The following NUBPL variants were observed in gnomAD, a reference collection of about 807,000 sequenced individuals.
NUBPL encodes the protein iron-sulfur cluster transfer protein NUBPL.
In NUBPL, 31 loss-of-function variants were observed where a neutral mutation model predicts 45.7. That is an observed-to-expected ratio of 0.68 (90% CI 0.51 to 0.92). The LOEUF (loss-of-function observed/expected upper bound fraction) is 0.92. NUBPL is among the 40% of genes least tolerant of loss of function. The pLI is 0.00. For synonymous variants in NUBPL, 144 were observed against 140.9 expected (o/e 1.02, Z -0.15); for missense variants, 401 against 398.7 (o/e 1.01, Z -0.05).
intron 6 of NUBPL, among the ~76,000 whole-genome samples, chr14:31,760,144 T>TGTGTGTGTGTGTGTGTGTGTGAGAGA: frequency 8.6e-5 from 3 of 34,844 alleles, no homozygotes; most frequent in East Asian, 1.2e-3. Context: ...TGTGTGTGTG[T>TGTGTGTGTGTGTGTGTGTGTGAGAGA]GAGAGAGAGA....
chr14:31,696,595 T>C, intron 6 of NUBPL, among the ~76,000 whole-genome samples: 1 of 152,048 alleles, frequency 6.6e-6, no homozygotes, highest in East Asian at 1.9e-4. Context: ...AAAAAAAACG[T>C]GTTCTCAACC....
chr14:31,611,117 A>C (rs758067288), intron 4 of NUBPL, among the ~76,000 whole-genome samples: 1 of 152,216 alleles, frequency 6.6e-6, no homozygotes, highest in Non-Finnish European at 1.5e-5. Context: ...GGACATCCAA[A>C]TTGGAAGGGA....
At chr14:31,727,388 C>T (rs1429429456) in intron 6 of NUBPL, among the ~76,000 whole-genome samples, 2 of 152,184 alleles carry the variant, frequency 1.3e-5, no homozygotes, top group East Asian at 3.9e-4. Flanking sequence ...TGTTGAAATA[C>T]AGATGTGGAG....
At chr14:31,676,278 C>T (rs2036696292) in intron 6 of NUBPL, among the ~76,000 whole-genome samples, 1 of 152,024 alleles carries the variant, frequency 6.6e-6, no homozygotes, top group Non-Finnish European at 1.5e-5. Flanking sequence ...CCGTCTCGGT[C>T]TCCCAAAGTG....
intron 4 of NUBPL, among the ~76,000 whole-genome samples, chr14:31,639,356 C>T (rs1170640931): frequency 6.6e-6 from 1 of 152,166 alleles, no homozygotes; most frequent in Non-Finnish European, 1.5e-5. Flanking sequence ...ACTCCAGACT[C>T]TGTTTGCCTG....
At chr14:31,760,144 T>TGTGTGTGAGAGAGAGAGA in intron 6 of NUBPL, among the ~76,000 whole-genome samples, 2 of 34,844 alleles carry the variant, frequency 5.7e-5, no homozygotes, top group Non-Finnish European at 1.1e-4. Flanking sequence ...TGTGTGTGTG[T>TGTGTGTGAGAGAGAGAGA]GAGAGAGAGA....
At chr14:31,752,970 C>G (rs1039432626) in intron 6 of NUBPL, among the ~76,000 whole-genome samples, 1 of 152,130 alleles carries the variant, frequency 6.6e-6, no homozygotes. Flanking sequence ...CATCAGATCT[C>G]GTGAGAACTC....
chr14:31,698,632 A>T (rs1215203218), intron 6 of NUBPL, among the ~76,000 whole-genome samples: 9 of 152,190 alleles, frequency 5.9e-5, no homozygotes, highest in Non-Finnish European at 1.5e-5. Context: ...TTATAAATAA[A>T]AAAGGCACGA....
chr14:31,765,412 C>T (rs2038894191), intron 6 of NUBPL, among the ~76,000 whole-genome samples: 1 of 152,178 alleles, frequency 6.6e-6, no homozygotes, highest in South Asian at 2.1e-4. Context: ...AAACATGGTA[C>T]ACTCATTGAG....
At chr14:31,784,975 CTTA>C (rs1467133397) in intron 6 of NUBPL, among the ~76,000 whole-genome samples, 4 of 152,116 alleles carry the variant, frequency 2.6e-5, no homozygotes, top group Admixed American at 1.3e-4. Context: ...GGCCTTTGCA[CTTA>C]TTATGGCTTC....
intron 7 of NUBPL, 33 bp from the exon 8 acceptor site, chr14:31,826,596 A>G: frequency 6.3e-7 from 1 of 1,586,176 alleles, no homozygotes; most frequent in Non-Finnish European, 8.7e-7. Context: ...TAGAGAATTA[A>G]AAGATAATAG....
At chr14:31,604,654 G>A (rs946809695) in intron 4 of NUBPL, among the ~76,000 whole-genome samples, 3 of 152,122 alleles carry the variant, frequency 2.0e-5, no homozygotes, top group Admixed American at 1.3e-4. Context: ...AAAATGATAT[G>A]TTAGGGTTGG....
chr14:31,841,927 T>TTTTTG (rs1566593604), intron 8 of NUBPL, among the ~76,000 whole-genome samples: 1 of 115,764 alleles, frequency 8.6e-6, no homozygotes, highest in African/African-American at 3.5e-5. Context: ...CTTTTTTTTT[T>TTTTTG]TTTTTTTTTT....
chr14:31,618,615 T>C (rs924440033), intron 4 of NUBPL, among the ~76,000 whole-genome samples: 1 of 152,224 alleles, frequency 6.6e-6, no homozygotes, highest in Non-Finnish European at 1.5e-5. Flanking sequence ...TGAATTCTAA[T>C]TTGATTGCAC....
At chr14:31,705,014 C>T (rs61997404) in intron 6 of NUBPL, among the ~76,000 whole-genome samples, 55,818 of 151,630 alleles carry the variant, frequency 0.37, 12,606 homozygotes, top group East Asian at 0.6. Flanking sequence ...CAGACCTTCG[C>T]GGTGAGTGTT....
chr14:31,798,664 C>T (rs182202162), intron 7 of NUBPL, among the ~76,000 whole-genome samples: 9,751 of 150,348 alleles, frequency 0.065, 415 homozygotes, highest in Non-Finnish European at 0.09. Context: ...TAGTGGCGGG[C>T]GCCTGTAGTC....
intron 7 of NUBPL, among the ~76,000 whole-genome samples, chr14:31,818,694 G>A (rs916403260): frequency 3.9e-5 from 6 of 152,080 alleles, no homozygotes; most frequent in African/African-American, 9.7e-5. Flanking sequence ...GACTACAGGC[G>A]CCGGCCACCA....
chr14:31,680,945 T>C (rs2036818906), intron 6 of NUBPL, among the ~76,000 whole-genome samples: 1 of 152,096 alleles, frequency 6.6e-6, no homozygotes, highest in African/African-American at 2.4e-5. Flanking sequence ...CATTGCTGGA[T>C]TGAATTTGCT....
intron 6 of NUBPL, among the ~76,000 whole-genome samples, chr14:31,691,345 T>A (rs2037089153): frequency 6.6e-6 from 1 of 152,260 alleles, no homozygotes; most frequent in Non-Finnish European, 1.5e-5. Context: ...CAGAATATAC[T>A]ATAACACAAA....
Sources: allele counts gnomAD v4.1 joint callset (sites outside exome capture counted in the v4.1 genomes callset), GRCh38; gene constraint gnomAD v4.1.1; transcripts MANE v1.5; gene names NCBI Gene and HGNC (gene_info 2026-07-23, HGNC 2026-07-21).